ZNF138: variants seen among roughly 807,000 people sequenced by gnomAD.
ZNF138 encodes zinc finger protein 138 (clone pHZ-32).
In ZNF138, 33 loss-of-function variants were observed where a neutral mutation model predicts 33.0. The observed-to-expected ratio is 1.00, with a 90% CI of 0.76 to 1.34. The LOEUF (loss-of-function observed/expected upper bound fraction) is 1.34. Ranked by LOEUF, ZNF138 falls within the 40% of genes most tolerant of loss-of-function variation. The pLI is 0.00. For missense variants in ZNF138, 360 were observed against 370.8 expected (o/e 0.97, Z 0.24); for synonymous variants, 139 against 120.4 (o/e 1.15, Z -1.01).
intron 3 of ZNF138, among the ~76,000 whole-genome samples, chr7:64,828,883 T>C (rs1789858973): frequency 6.6e-6 from 1 of 152,152 alleles, no homozygotes; most frequent in Non-Finnish European, 1.5e-5. Flanking sequence ...AATGAGAAAT[T>C]TGGAAAACAT....
chr7:64,846,044 TTTGC>T, the ZNF138 span, among the ~76,000 whole-genome samples: 1 of 152,226 alleles, frequency 6.6e-6, no homozygotes, highest in Non-Finnish European at 1.5e-5. Flanking sequence ...TATGTTTTTG[TTTGC>T]TTTGTCAAAG....
At chr7:64,809,113 C>T (rs1333191697) in intron 1 of ZNF138, among the ~76,000 whole-genome samples, 10 of 115,368 alleles carry the variant, frequency 8.7e-5, no homozygotes, top group Admixed American at 1.7e-4. Flanking sequence ...ACCTCCCAGA[C>T]GGGGTGGTGG....
At chr7:64,844,538 C>T in the ZNF138 span, among the ~76,000 whole-genome samples, 6 of 151,906 alleles carry the variant, frequency 3.9e-5, no homozygotes, top group East Asian at 9.7e-4. Flanking sequence ...TCTTCTGCAT[C>T]CGCAAAATGA....
At chr7:64,813,990 C>T in intron 1 of ZNF138, 1 of 1,116,144 alleles carries the variant, frequency 9.0e-7, no homozygotes, top group South Asian at 2.1e-5. Flanking sequence ...TGGCAGCTGC[C>T]TTTCTATCTT....
the ZNF138 span, among the ~76,000 whole-genome samples, chr7:64,860,145 T>C: frequency 6.6e-6 from 1 of 152,134 alleles, no homozygotes; most frequent in Non-Finnish European, 1.5e-5. Flanking sequence ...CAATATAATA[T>C]AATTATACAA....
chr7:64,801,097 TTAA>T (rs1787104775), intron 1 of ZNF138, among the ~76,000 whole-genome samples: 1 of 152,146 alleles, frequency 6.6e-6, no homozygotes, highest in African/African-American at 2.4e-5. Flanking sequence ...ATTTAGCTTA[TTAA>T]TTTTTTTAAT....
intron 1 of ZNF138, among the ~76,000 whole-genome samples, chr7:64,795,402 T>C (rs1336013756): frequency 2.0e-5 from 3 of 152,122 alleles, no homozygotes; most frequent in Non-Finnish European, 4.4e-5. Flanking sequence ...CTCCTCCCCC[T>C]CCCCATTTCC....
At chr7:64,853,293 G>A in the ZNF138 span, 2 of 1,611,954 alleles carry the variant, frequency 1.2e-6, no homozygotes, top group Non-Finnish European at 1.7e-6. Context: ...AGTGAATCTG[G>A]TTAGCCGGAA....
the ZNF138 span, among the ~76,000 whole-genome samples, chr7:64,851,623 G>A: frequency 6.6e-6 from 1 of 152,048 alleles, no homozygotes. Context: ...TTGTAAATGA[G>A]TATTATACAT....
chr7:64,825,324 CA>C (rs1029470282), intron 3 of ZNF138, among the ~76,000 whole-genome samples: 10 of 149,010 alleles, frequency 6.7e-5, no homozygotes, highest in South Asian at 6.4e-4. Context: ...AGGCGCCCGC[CA>C]ACAGGGCCGG....
At chr7:64,846,184 G>A in the ZNF138 span, among the ~76,000 whole-genome samples, 1 of 152,196 alleles carries the variant, frequency 6.6e-6, no homozygotes, top group Admixed American at 6.5e-5. Flanking sequence ...ACAGTTTGAA[G>A]TTAAGTAATA....
chr7:64,846,180 T>G, the ZNF138 span, among the ~76,000 whole-genome samples: 1 of 152,228 alleles, frequency 6.6e-6, no homozygotes, highest in Non-Finnish European at 1.5e-5. Context: ...TAGTACAGTT[T>G]GAAGTTAAGT....
At chr7:64,855,287 C>T in the ZNF138 span, among the ~76,000 whole-genome samples, 1 of 152,138 alleles carries the variant, frequency 6.6e-6, no homozygotes, top group East Asian at 1.9e-4. Context: ...CTCTGCCTCC[C>T]AAAGGCTATT....
chr7:64,844,767 A>T, the ZNF138 span, among the ~76,000 whole-genome samples: 3 of 151,474 alleles, frequency 2.0e-5, no homozygotes, highest in Non-Finnish European at 2.9e-5. Flanking sequence ...GCTCACTGCA[A>T]CCTCTGCCTC....
chr7:64,852,971 T>A, the ZNF138 span: 4 of 1,407,142 alleles, frequency 2.8e-6, no homozygotes, highest in Non-Finnish European at 4.0e-6. Context: ...GGTCATTTTA[T>A]TACTGACTCC....
chr7:64,837,626 G>A (rs1562932086), downstream of ZNF138, among the ~76,000 whole-genome samples: 2 of 152,204 alleles, frequency 1.3e-5, no homozygotes, highest in Admixed American at 1.3e-4. Context: ...ATTTGATTAG[G>A]TGTTGTTTGA....
chr7:64,848,736 G>A, the ZNF138 span, among the ~76,000 whole-genome samples: 1 of 116,078 alleles, frequency 8.6e-6, no homozygotes, highest in Non-Finnish European at 1.6e-5. Flanking sequence ...AGACAGTCTC[G>A]CTCTGTCGCC....
At chr7:64,860,153 C>T in the ZNF138 span, among the ~76,000 whole-genome samples, 31 of 152,206 alleles carry the variant, frequency 2.0e-4, no homozygotes, top group Non-Finnish European at 4.4e-4. Flanking sequence ...TATAATTATA[C>T]AATTATAACA....
chr7:64,844,931 C>T, the ZNF138 span, among the ~76,000 whole-genome samples: 2 of 152,180 alleles, frequency 1.3e-5, no homozygotes, highest in Non-Finnish European at 1.5e-5. Flanking sequence ...GTGATCTGCC[C>T]GCCTCGGCCT....
Sources: gnomAD v4.1 joint callset for allele counts (sites outside exome capture counted in the v4.1 genomes callset) on GRCh38, gnomAD v4.1.1 for gene constraint, MANE v1.5 for transcripts, NCBI Gene and HGNC (gene_info 2026-07-23, HGNC 2026-07-21) for gene names.